The following CAMTA1 variants were observed in gnomAD, a reference collection of about 807,000 sequenced individuals.
CAMTA1 encodes the protein calmodulin-binding transcription activator 1.
In CAMTA1, 27 loss-of-function variants were observed where a neutral mutation model predicts 170.9. The observed-to-expected ratio is 0.16, with a 90% CI of 0.12 to 0.22. CAMTA1 has a LOEUF of 0.22. Among genes scored for constraint, CAMTA1 ranks in the 10% least tolerant of loss-of-function variants. The pLI, the probability that CAMTA1 is intolerant of heterozygous loss-of-function variation, is 1.00. For missense variants in CAMTA1, 1,619 were observed against 2,217.2 expected, an observed-to-expected ratio of 0.73 and a Z score of 5.42; for synonymous variants, 833 against 891.5, an observed-to-expected ratio of 0.93 and a Z score of 1.17.
rs753081072 is a variant in CAMTA1 at position 7,635,371 on chromosome 1, G to T, written c.511-5029G>T. On this transcript the variant is annotated intron_variant, in intron 6 of 22. Coordinates refer to ENST00000303635, the MANE Select transcript of CAMTA1 (RefSeq NM_015215.4). This position sits in a 1 kb window ranked among gnomAD's most constrained non-coding sequence, Gnocchi z 4.4. ...GCCTGTAATCCCAGCACTTTGGAAG[G>T]CCGAGGCAGGCAGATCACGAGATCG... Among the ~76,000 whole-genome samples, 14 of 152,104 alleles carry T rather than the reference G, an allele frequency of 9.2e-5. No homozygotes were observed. The highest frequency in any genetic ancestry group is 1.8e-4 in the Non-Finnish European group (12 of 68,012).
chr1:7,348,980 G>A (rs2084437754), intron 5 of CAMTA1, among the ~76,000 whole-genome samples: 1 of 152,132 alleles, frequency 6.6e-6, no homozygotes, highest in South Asian at 2.1e-4. Flanking sequence ...TTACTCTGCT[G>A]TTTTCAACTC....
intron 4 of CAMTA1, among the ~76,000 whole-genome samples, chr1:7,179,956 T>C (rs1651756038): frequency 6.6e-6 from 1 of 152,122 alleles, no homozygotes; most frequent in African/African-American, 2.4e-5. Context: ...TATGGGTTTT[T>C]AAAACATTAA....
intron 6 of CAMTA1, among the ~76,000 whole-genome samples, chr1:7,475,040 G>T (rs934793994): frequency 6.6e-6 from 1 of 152,226 alleles, no homozygotes; most frequent in African/African-American, 2.4e-5. Flanking sequence ...TCTCCACCCG[G>T]ATGAGCTGGG....
At chr1:7,654,772 AACAC>A (rs1375090770) in intron 7 of CAMTA1, among the ~76,000 whole-genome samples, 2 of 108,464 alleles carry the variant, frequency 1.8e-5, no homozygotes, top group Non-Finnish European at 3.8e-5. Flanking sequence ...CACCCACCTA[AACAC>A]ACACCTATAC....
chr1:6,906,673 C>G (rs1049007493), intron 3 of CAMTA1, among the ~76,000 whole-genome samples: 1 of 152,180 alleles, frequency 6.6e-6, no homozygotes. Context: ...GAACTTGGCT[C>G]AGAAATGTGT....
chr1:7,220,453 G>T (rs1026530309), intron 4 of CAMTA1, among the ~76,000 whole-genome samples: 5 of 152,134 alleles, frequency 3.3e-5, no homozygotes, highest in African/African-American at 9.7e-5. Context: ...TCCTGGCCTG[G>T]CCTATTTTTT....
intron 5 of CAMTA1, among the ~76,000 whole-genome samples, chr1:7,312,947 T>C (rs929048293): frequency 2.0e-5 from 3 of 152,228 alleles, no homozygotes; most frequent in African/African-American, 7.2e-5. Flanking sequence ...CATGACATTT[T>C]CTTGGTGAGT....
In CAMTA1 at chr1:7,361,092, C is replaced by T. The variant is rs535250394; in HGVS notation, c.439-106738C>T. Among the ~76,000 whole-genome samples the T allele has an allele frequency of 7.9e-5, 12 of 152,326 alleles. No individual in the cohort carries two copies. The South Asian group carries it at 1.2e-3, about 16-fold the overall frequency. On this transcript the variant is annotated intron_variant, in intron 5 of 22. Coordinates refer to ENST00000303635, the MANE Select transcript of CAMTA1 (RefSeq NM_015215.4). ...TAATAGAAGCTCAGTTTGGCTCTTCCGTTGCTGCCGGCCTGCCTGGCCAAT... is the reference window on the plus strand; with the variant it reads ...TAATAGAAGCTCAGTTTGGCTCTTCTGTTGCTGCCGGCCTGCCTGGCCAAT...
At chr1:6,999,824 G>A (rs1252126424) in intron 3 of CAMTA1, among the ~76,000 whole-genome samples, 1 of 152,154 alleles carries the variant, frequency 6.6e-6, no homozygotes, top group Non-Finnish European at 1.5e-5. Context: ...GAGAATTGGG[G>A]GTGGGGAGTG....
intron 19 of CAMTA1, chr1:7,750,904 C>T (rs922823610): frequency 4.5e-6 from 2 of 448,196 alleles, no homozygotes; most frequent in Non-Finnish European, 8.4e-6. Flanking sequence ...TTTTTAGATT[C>T]ATAAACGTCT....
rs546492161 is a variant in CAMTA1 at position 7,535,526 on chromosome 1, G to A, written c.510+67625G>A. 3.3e-5 allele frequency among the ~76,000 whole-genome samples: 5 copies of A among 152,322 alleles called. No homozygotes were observed. In the East Asian group the frequency reaches 7.7e-4, roughly 24 times the overall value. On this transcript the variant is annotated intron_variant, in intron 6 of 22. Coordinates refer to ENST00000303635, the MANE Select transcript of CAMTA1 (RefSeq NM_015215.4). ...TGGCCCAGTCACCCGCTAGAGATGG[G>A]CAAAGCTGCGCTTTCTCAGTGCAGC...
At chr1:7,312,613 C>T (rs1014611207) in intron 5 of CAMTA1, among the ~76,000 whole-genome samples, 3 of 152,202 alleles carry the variant, frequency 2.0e-5, no homozygotes, top group African/African-American at 7.2e-5. Context: ...ATGCTCACTC[C>T]ATCTTGCCTG....
At chr1:7,297,750 G>A (rs148171063) in intron 5 of CAMTA1, among the ~76,000 whole-genome samples, 2 of 152,246 alleles carry the variant, frequency 1.3e-5, no homozygotes, top group Non-Finnish European at 2.9e-5. Flanking sequence ...CTGCATAATG[G>A]GCCAAAAGGC....
At chr1:7,094,111 C>T (rs1641791284) in intron 4 of CAMTA1, among the ~76,000 whole-genome samples, 1 of 152,154 alleles carries the variant, frequency 6.6e-6, no homozygotes, top group Non-Finnish European at 1.5e-5. Context: ...TTCCTAAAGG[C>T]AGAGGGTGAA....
In CAMTA1 at chr1:7,477,963, T is replaced by C. The variant is rs186225714; in HGVS notation, c.510+10062T>C. 9.6e-4 allele frequency among the ~76,000 whole-genome samples: 146 copies of C among 152,326 alleles called. 1 individual carries two copies. The highest frequency in any genetic ancestry group is 3.4e-3 in the African/African-American group (143 of 41,572). On this transcript the variant is annotated intron_variant, in intron 6 of 22. Coordinates refer to ENST00000303635, the MANE Select transcript of CAMTA1 (RefSeq NM_015215.4). ...AAGGTTTTGAATTCATCACCACCCTTATGAGCCAAGTGACTCTGGCCAACT... is the reference window on the plus strand; with the variant it reads ...AAGGTTTTGAATTCATCACCACCCTCATGAGCCAAGTGACTCTGGCCAACT...
intron 6 of CAMTA1, among the ~76,000 whole-genome samples, chr1:7,553,711 A>G (rs1018744528): frequency 2.6e-5 from 4 of 152,212 alleles, no homozygotes; most frequent in Non-Finnish European, 4.4e-5. Context: ...ATCTCCAGGC[A>G]AAGTGTCAGG....
intron 22 of CAMTA1, among the ~76,000 whole-genome samples, chr1:7,763,406 C>G (rs748719331): frequency 8.5e-5 from 13 of 152,160 alleles, no homozygotes; most frequent in Non-Finnish European, 1.8e-4. Context: ...GTTGTGGAAG[C>G]CTGGAAAATA....
intron 5 of CAMTA1, among the ~76,000 whole-genome samples, chr1:7,433,274 G>A (rs1271697325): frequency 6.6e-6 from 1 of 152,224 alleles, no homozygotes; most frequent in East Asian, 1.9e-4. Flanking sequence ...CTCCACCTGG[G>A]CATCTCTATC....
intron 5 of CAMTA1, among the ~76,000 whole-genome samples, chr1:7,262,893 C>A (rs575643779): frequency 6.6e-6 from 1 of 152,176 alleles, no homozygotes; most frequent in African/African-American, 2.4e-5. Flanking sequence ...TGAGCAGATG[C>A]GTGTGTTGAC....
Sources: allele counts gnomAD v4.1 joint callset (sites outside exome capture counted in the v4.1 genomes callset), GRCh38; gene constraint gnomAD v4.1.1; non-coding constraint Gnocchi (gnomAD v3.1); transcripts MANE v1.5; gene names NCBI Gene and HGNC (gene_info 2026-07-23, HGNC 2026-07-21).